ASB18: variants seen among roughly 807,000 people sequenced by gnomAD.
ASB18 encodes the protein ankyrin repeat and SOCS box containing 18.
A neutral mutation model predicts 33.4 loss-of-function variants in ASB18; 33 were observed. The ratio of observed to expected loss-of-function variants is 0.99; its 90% CI spans 0.75 to 1.32. ASB18 has a LOEUF of 1.32. Ranked by LOEUF, ASB18 falls within the 40% of genes most tolerant of loss-of-function variation. The pLI, the probability that ASB18 is intolerant of heterozygous loss-of-function variation, is 0.00. For synonymous variants in ASB18, 295 were observed against 307.6 expected (o/e 0.96, Z 0.43); for missense variants, 694 against 655.5 (o/e 1.06, Z -0.64).
At position 236,238,520 on chromosome 2, in the gene ASB18, T is replaced by C. The variant is rs2060606870; in HGVS notation, c.329-564A>G. 6.6e-6 allele frequency among the ~76,000 whole-genome samples: 1 copy of C among 152,172 alleles called. No individual in the cohort carries two copies. Among genetic ancestry groups the C allele is most frequent in the South Asian group, 2.1e-4 (1 of 4,826 alleles). On this transcript the variant is annotated intron_variant, in intron 2 of 5. Transcript: ENST00000409749. The surrounding 1 kb of genome is among the most constrained non-coding windows in gnomAD (Gnocchi z 5.2). ...AAAGGACTCAGAGAAAGTTTAGCTCTCTTGCAAGTGGCTGAGTTTTCAGAA... is the reference window on the plus strand; with the variant it reads ...AAAGGACTCAGAGAAAGTTTAGCTCCCTTGCAAGTGGCTGAGTTTTCAGAA...
At chr2:236,198,658 G>A (rs7568710) in intron 4 of ASB18, among the ~76,000 whole-genome samples, 7,882 of 152,170 alleles carry the variant, frequency 0.052, 445 homozygotes, top group African/African-American at 0.14. Context: ...GAGCCACTGT[G>A]CCCAGCCCAA....
In ASB18 at chr2:236,214,187, G is replaced by A. The variant is rs2106268568; in HGVS notation, c.1101+175C>T. ...TCTAGGCCACACCCGGGAGCTTGTTGGCAATGCAGGCTCTCCCACCCCAGA... is the reference window on the plus strand; with the variant it reads ...TCTAGGCCACACCCGGGAGCTTGTTAGCAATGCAGGCTCTCCCACCCCAGA... On this transcript the variant is annotated intron_variant, in intron 4 of 5. Transcript: ENST00000409749. This position sits in a 1 kb window ranked among gnomAD's most constrained non-coding sequence, Gnocchi z 6.5. The A allele has an allele frequency of 7.5e-6, 5 of 664,008 alleles. No individual in the cohort carries two copies. The highest frequency in any genetic ancestry group is 1.2e-5 in the Non-Finnish European group (5 of 409,238). The allele number at this position is 664,008 out of a possible 1,614,324, so 41.1% of individuals were successfully genotyped here.
intron 3 of ASB18, among the ~76,000 whole-genome samples, chr2:236,233,538 T>C (rs2060576382): frequency 6.6e-6 from 1 of 152,126 alleles, no homozygotes; most frequent in Non-Finnish European, 1.5e-5. Flanking sequence ...TCCTATGGAA[T>C]TCTACTAGAA....
Position 236,237,595 on chromosome 2 carries a change from G to T in ASB18, c.596+94C>A. On this transcript the variant is annotated intron_variant, in intron 3 of 5. Transcript: ENST00000409749. The surrounding 1 kb of genome is among the most constrained non-coding windows in gnomAD (Gnocchi z 6.2). The stretch of plus-strand genomic sequence containing the variant: ...TGGGTCCGGAGGCGGGGGCTGGGAC[G>T]GAGGCGGAGGCGGGGTCGGCGGTCT... 3 of 1,077,068 alleles carry T rather than the reference G, an allele frequency of 2.8e-6. No homozygotes were observed. Among genetic ancestry groups the T allele is most frequent in the East Asian group, 3.4e-5 (1 of 29,322 alleles). 66.7% of individuals were successfully genotyped at this position (1,077,068 alleles called of 1,614,324 possible).
In ASB18 at chr2:236,214,296, TCCC is replaced by T; in HGVS notation, c.1101+63_1101+65del. ...TTGAGAGCGCCGCATGCAACCCAGC[TCCC>T]AGGCCGGTCACTAAGTGGCAAAACT... is the stretch of plus-strand genomic sequence containing the variant. On this transcript the variant is annotated intron_variant, in intron 4 of 5. Transcript: ENST00000409749. The surrounding 1 kb of genome is among the most constrained non-coding windows in gnomAD (Gnocchi z 6.5). The T allele has an allele frequency of 6.6e-7, 1 of 1,506,866 alleles. No individual in the cohort carries two copies. 93.3% of individuals were successfully genotyped at this position (1,506,866 alleles called of 1,614,324 possible).
chr2:236,194,743 C>T lies in ASB18; in HGVS notation c.*129G>A, dbSNP rs1009159979. On this transcript the variant is annotated 3_prime_UTR_variant, in exon 6 of 6. Coordinates refer to ENST00000409749, the MANE Select transcript of ASB18 (RefSeq NM_212556.4). This position sits in a 1 kb window ranked among gnomAD's most constrained non-coding sequence, Gnocchi z 4.5. ...AGCTTGGCAAGGTCTGTGCTTCACC[C>T]GGTCCCACGGAGAGCAAGTGGGAAG... 34 of 777,882 alleles carry T rather than the reference C, an allele frequency of 4.4e-5. 1 individual carries two copies. The highest frequency in any genetic ancestry group is 6.2e-5 in the Admixed American group (2 of 32,226). The allele number at this position is 777,882 out of a possible 1,614,324, so 48.2% of individuals were successfully genotyped here.
rs1193458331 is a variant in ASB18, at chr2:236,214,259, G to A, written c.1101+103C>T. ...TTTCACAAGTCCCCAGGGGTGCCTG[G>A]GCCATTACACTTTGAGAGCGCCGCA... On this transcript the variant is annotated intron_variant, in intron 4 of 5. Transcript: ENST00000409749. This position sits in a 1 kb window ranked among gnomAD's most constrained non-coding sequence, Gnocchi z 6.5. The A allele has an allele frequency of 1.6e-6, 2 of 1,224,078 alleles. No individual in the cohort carries two copies. The highest frequency in any genetic ancestry group is 3.2e-5 in the African/African-American group (2 of 62,848). The allele number at this position is 1,224,078 out of a possible 1,614,324, so 75.8% of individuals were successfully genotyped here.
In ASB18 at chr2:236,226,432, A is replaced by G. The variant is rs2106274232; in HGVS notation, c.596+11257T>C. Among the ~76,000 whole-genome samples the G allele has an allele frequency of 6.7e-6, 1 of 149,336 alleles. No individual in the cohort carries two copies. The highest frequency in any genetic ancestry group is 1.5e-5 in the Non-Finnish European group (1 of 66,764). ...CAGAGAAGAGAAAATGAAACAAGAA[A>G]GAAGAAAGAGGAGGAAGAAGAGGAA... On this transcript the variant is annotated intron_variant, in intron 3 of 5. Coordinates refer to ENST00000409749, the MANE Select transcript of ASB18 (RefSeq NM_212556.4). The surrounding 1 kb of genome is among the most constrained non-coding windows in gnomAD (Gnocchi z 4.8).
rs2060513379 is a variant in ASB18, at chr2:236,221,586, C to G, written c.597-6720G>C. On this transcript the variant is annotated intron_variant, in intron 3 of 5. Transcript: ENST00000409749. The surrounding 1 kb of genome is among the most constrained non-coding windows in gnomAD (Gnocchi z 5.6). ...CTTGCTGCTGCCTTTCACCTTCCAC[C>G]TCCCCAGCCACATGGAACAGTAAGT... 6.6e-6 allele frequency among the ~76,000 whole-genome samples: 1 copy of G among 152,144 alleles called. No homozygotes were observed. The highest frequency in any genetic ancestry group is 2.4e-5 in the African/African-American group (1 of 41,420).
Position 236,216,399 on chromosome 2 carries a change from A to G in ASB18, c.597-1533T>C, listed in dbSNP as rs968048420. Among the ~76,000 whole-genome samples, 1 of 152,220 alleles carries G rather than the reference A, an allele frequency of 6.6e-6. No homozygotes were observed. The highest frequency in any genetic ancestry group is 2.4e-5 in the African/African-American group (1 of 41,450). ...AAACACATCTGTTTCAACACTGATT[A>G]GAATCTGTTTTGACAACAGCTGTTG... On this transcript the variant is annotated intron_variant, in intron 3 of 5. Coordinates refer to ENST00000409749, the MANE Select transcript of ASB18 (RefSeq NM_212556.4). The surrounding 1 kb of genome is among the most constrained non-coding windows in gnomAD (Gnocchi z 6.1).
Position 236,260,533 on chromosome 2 carries a change from G to A in ASB18, c.205+3608C>T, listed in dbSNP as rs995083610. Among the ~76,000 whole-genome samples, 4 of 152,054 alleles carry A rather than the reference G, an allele frequency of 2.6e-5. No homozygotes were observed. The highest frequency in any genetic ancestry group is 5.9e-5 in the Non-Finnish European group (4 of 68,006). ...CATCAAGGATGGTCCCCCCAAACTC[G>A]CCCTTACCTTGAGAAAGAGAACATT... is the stretch of plus-strand genomic sequence containing the variant. On this transcript the variant is annotated intron_variant, in intron 1 of 5. Coordinates refer to ENST00000409749, the MANE Select transcript of ASB18 (RefSeq NM_212556.4). This position sits in a 1 kb window ranked among gnomAD's most constrained non-coding sequence, Gnocchi z 5.1.
At position 236,251,864 on chromosome 2, in the gene ASB18, T is replaced by C. The variant is rs2060670186; in HGVS notation, c.206-10462A>G. 6.6e-6 allele frequency among the ~76,000 whole-genome samples: 1 copy of C among 152,214 alleles called. No individual in the cohort carries two copies. The highest frequency in any genetic ancestry group is 2.1e-4 in the South Asian group (1 of 4,828). On this transcript the variant is annotated intron_variant, in intron 1 of 5. Coordinates refer to ENST00000409749, the MANE Select transcript of ASB18 (RefSeq NM_212556.4). The surrounding 1 kb of genome is among the most constrained non-coding windows in gnomAD (Gnocchi z 5.3). ...TTTTTGAAGAGTTCAGTGACACTAA[T>C]CCTCTCCCAGTTTGCAGGTGGGAGG...
rs2060419645 is a variant in ASB18 at position 236,203,937 on chromosome 2, G to A, written c.1102-7552C>T. On this transcript the variant is annotated intron_variant, in intron 4 of 5. Coordinates refer to ENST00000409749, the MANE Select transcript of ASB18 (RefSeq NM_212556.4). This position sits in a 1 kb window ranked among gnomAD's most constrained non-coding sequence, Gnocchi z 6.0. ...CAAACAAGGACATATCACCAAGGCT[G>A]GATCTGGGGAATAGTTTAGAGGAGA... 2.0e-5 allele frequency among the ~76,000 whole-genome samples: 3 copies of A among 149,506 alleles called. No homozygotes were observed. Among genetic ancestry groups the A allele is most frequent in the South Asian group, 2.2e-4 (1 of 4,644 alleles).
rs985779101 is a variant in ASB18, at chr2:236,234,731, A to C, written c.596+2958T>G. ...ACAGTGCTGGAACTGTCAGATATCC[A>C]CATGCAAAAATAAATAAAAAAGCTT... On this transcript the variant is annotated intron_variant, in intron 3 of 5. Transcript: ENST00000409749. The surrounding 1 kb of genome is among the most constrained non-coding windows in gnomAD (Gnocchi z 4.1). 1.3e-5 allele frequency among the ~76,000 whole-genome samples: 2 copies of C among 152,268 alleles called. No individual in the cohort carries two copies. Among genetic ancestry groups the C allele is most frequent in the African/African-American group, 4.8e-5 (2 of 41,478 alleles).
chr2:236,254,404 C>T (rs2060682714), intron 1 of ASB18, among the ~76,000 whole-genome samples: 1 of 151,852 alleles, frequency 6.6e-6, no homozygotes, highest in African/African-American at 2.4e-5. Context: ...CCCAGGCATG[C>T]GAGCCCACAC....
rs1165377156 is a variant in ASB18 at position 236,237,383 on chromosome 2, G to A, written c.596+306C>T. On this transcript the variant is annotated intron_variant, in intron 3 of 5. Coordinates refer to ENST00000409749, the MANE Select transcript of ASB18 (RefSeq NM_212556.4). This position sits in a 1 kb window ranked among gnomAD's most constrained non-coding sequence, Gnocchi z 6.2. The stretch of plus-strand genomic sequence containing the variant: ...GGGCGGGGGCCGGGGCCGGGGCGCG[G>A]GGCGGGGGCCGGGGCCGGGGCGCGG... Among the ~76,000 whole-genome samples, 2 of 60,654 alleles carry A rather than the reference G, an allele frequency of 3.3e-5. No homozygotes were observed. The highest frequency in any genetic ancestry group is 8.1e-4 in the East Asian group (2 of 2,466). 39.8% of individuals were successfully genotyped at this position (60,654 alleles called of 152,430 possible).
rs1489408233 is a variant in ASB18, at chr2:236,226,988, A to G, written c.596+10701T>C. Among the ~76,000 whole-genome samples the G allele has an allele frequency of 6.6e-6, 1 of 152,230 alleles. No homozygotes were observed. Among genetic ancestry groups the G allele is most frequent in the Non-Finnish European group, 1.5e-5 (1 of 68,042 alleles). On this transcript the variant is annotated intron_variant, in intron 3 of 5. Coordinates refer to ENST00000409749, the MANE Select transcript of ASB18 (RefSeq NM_212556.4). The surrounding 1 kb of genome is among the most constrained non-coding windows in gnomAD (Gnocchi z 4.8). Reference sequence around the variant, plus strand: ...AAGAAATTAACAATGGTACAAGACTATTAACCAAACTGTTGACTTTATTTG... The same window carrying G: ...AAGAAATTAACAATGGTACAAGACTGTTAACCAAACTGTTGACTTTATTTG...
At position 236,219,268 on chromosome 2, in the gene ASB18, C is replaced by T. The variant is rs78779971; in HGVS notation, c.597-4402G>A. On this transcript the variant is annotated intron_variant, in intron 3 of 5. Transcript: ENST00000409749. This position sits in a 1 kb window ranked among gnomAD's most constrained non-coding sequence, Gnocchi z 6.4. ...TTCCTTTTTGCCTGCATGCGTTTTT[C>T]AAGTTATCCAAAATAAGTCAAGGTG... is the stretch of plus-strand genomic sequence containing the variant. Among the ~76,000 whole-genome samples the T allele has an allele frequency of 0.012, 1,779 of 152,192 alleles. 20 individuals are homozygous for T. Among genetic ancestry groups the T allele is most frequent in the Non-Finnish European group, 0.018 (1,227 of 67,998 alleles).
Position 236,214,554 on chromosome 2 carries a change from G to A in ASB18, c.909C>T (p.His303=), listed in dbSNP as rs1259350842. The stretch of plus-strand genomic sequence containing the variant: ...GGAGGCGCGCCAGGCTGTGGCTCGC[G>A]TGGCCGCAGGCTTTGTGCAGCGGGC... ...ERSPLHKACG[H]ASHSLARLLL... Residue 303 remains histidine (H), a synonymous_variant, in exon 4 of 6, where the codon CAC becomes CAT. Coordinates refer to ENST00000409749, the MANE Select transcript of ASB18 (RefSeq NM_212556.4). This position sits in a 1 kb window ranked among gnomAD's most constrained non-coding sequence, Gnocchi z 6.5. 1.4e-6 allele frequency: 2 copies of A among 1,397,056 alleles called. No homozygotes were observed. The highest frequency in any genetic ancestry group is 3.5e-5 in the Admixed American group (1 of 28,246). The allele number at this position is 1,397,056 out of a possible 1,614,324, so 86.5% of individuals were successfully genotyped here. A position where few individuals can be genotyped will look rare whatever the true frequency, so the allele number is the denominator to read the frequency against.
Sources: allele counts gnomAD v4.1 joint callset (sites outside exome capture counted in the v4.1 genomes callset), GRCh38; gene constraint gnomAD v4.1.1; non-coding constraint Gnocchi (gnomAD v3.1); transcripts MANE v1.5; gene names NCBI Gene and HGNC (gene_info 2026-07-23, HGNC 2026-07-21).